The following CLSTN2 variants were observed in gnomAD, a reference collection of about 807,000 sequenced individuals.
CLSTN2 encodes the protein calsyntenin-2.
A neutral mutation model predicts 101.2 loss-of-function variants in CLSTN2; 48 were observed. The observed-to-expected ratio is 0.47, with a 90% confidence interval of 0.38 to 0.60. The LOEUF is 0.60. Among genes scored for constraint, CLSTN2 ranks in the 20% least tolerant of loss-of-function variants. The pLI, the probability that CLSTN2 is intolerant of heterozygous loss-of-function variation, is 0.00. For missense variants in CLSTN2, 1,160 were observed against 1,238.2 expected (o/e 0.94, Z 0.95); for synonymous variants, 481 against 463.6 (o/e 1.04, Z -0.48).
chr3:140,424,789 AC>A (rs2088546335), intron 5 of CLSTN2, among the ~76,000 whole-genome samples: 2 of 152,262 alleles, frequency 1.3e-5, no homozygotes, highest in African/African-American at 4.8e-5. Flanking sequence ...CATTCAGGGG[AC>A]CAGTGAACAA....
rs532820923 is a variant in CLSTN2, at chr3:139,956,313, G to A, written c.109+20830G>A. Among the ~76,000 whole-genome samples the A allele has an allele frequency of 2.0e-5, 3 of 152,258 alleles. No individual in the cohort carries two copies. The South Asian group carries it at 6.2e-4, about 32-fold the overall frequency. On this transcript the variant is annotated intron_variant, in intron 1 of 16. Transcript: ENST00000458420. Reference sequence around the variant, plus strand: ...TAACTCTACTTTGTACTCATTGAAGGCGAGACTGTGCCTTCTCTTATATTC... The same window carrying A: ...TAACTCTACTTTGTACTCATTGAAGACGAGACTGTGCCTTCTCTTATATTC...
intron 1 of CLSTN2, among the ~76,000 whole-genome samples, chr3:140,025,647 G>A (rs1408533752): frequency 6.6e-6 from 1 of 152,160 alleles, no homozygotes; most frequent in Non-Finnish European, 1.5e-5. Flanking sequence ...AGGAGAGAGA[G>A]AGATGACAGC....
At chr3:140,533,096 T>C (rs349537) in intron 9 of CLSTN2, among the ~76,000 whole-genome samples, 37,757 of 152,082 alleles carry the variant, frequency 0.25, 6,468 homozygotes, top group African/African-American at 0.48. Context: ...TCCTCTCTTC[T>C]TGTGCTGTTG....
chr3:139,935,700 G>T lies in CLSTN2; in HGVS notation c.109+217G>T, dbSNP rs1296899482. ...TCAACTCAACCCCTGGGCGGGGTCCGGGGGCTGAGCAGAAGGCGAGGTCTG... is the reference window on the plus strand; with the variant it reads ...TCAACTCAACCCCTGGGCGGGGTCCTGGGGCTGAGCAGAAGGCGAGGTCTG... On this transcript the variant is annotated intron_variant, in intron 1 of 16. Transcript: ENST00000458420. This position sits in a 1 kb window ranked among gnomAD's most constrained non-coding sequence, Gnocchi z 5.5. 6.6e-6 allele frequency among the ~76,000 whole-genome samples: 1 copy of T among 152,158 alleles called. No homozygotes were observed. The highest frequency in any genetic ancestry group is 1.5e-5 in the Non-Finnish European group (1 of 68,038).
At chr3:140,488,120 G>GA (rs148288782) in intron 8 of CLSTN2, among the ~76,000 whole-genome samples, 2 of 151,910 alleles carry the variant, frequency 1.3e-5, no homozygotes, top group East Asian at 1.9e-4. Flanking sequence ...CAGAGAAGAA[G>GA]AAAAAAAAGC....
At chr3:139,996,451 G>C (rs144571735) in intron 1 of CLSTN2, among the ~76,000 whole-genome samples, 1 of 152,030 alleles carries the variant, frequency 6.6e-6, no homozygotes, top group Non-Finnish European at 1.5e-5. Context: ...GTACAGTGGC[G>C]CGATCTCGGC....
chr3:140,421,237 G>A lies in CLSTN2; in HGVS notation c.750G>A (p.Gln250=). The A allele has an allele frequency of 6.2e-7, 1 of 1,614,190 alleles. No individual in the cohort carries two copies. The highest frequency in any genetic ancestry group is 8.5e-7 in the Non-Finnish European group (1 of 1,180,008). ...QKPAAQDTLV[Q]VDVKPVCKPG... ...CCGCTGCTCAGGACACCCTGGTGCA[G>A]GTGGATGTGAAGCCAGTTTGCAAGC... The change falls in exon 5 of 17, where the codon CAG becomes CAA. Residue 250 remains glutamine (Q), a synonymous_variant. Transcript: ENST00000458420.
chr3:139,947,847 C>CG (rs1935237054), intron 1 of CLSTN2, among the ~76,000 whole-genome samples: 1 of 88,668 alleles, frequency 1.1e-5, no homozygotes, highest in Non-Finnish European at 3.1e-5. Context: ...ATTGCACTTG[C>CG]ATTTTTTTTT....
chr3:140,303,384 A>C (rs2087078790), intron 2 of CLSTN2, among the ~76,000 whole-genome samples: 1 of 152,160 alleles, frequency 6.6e-6, no homozygotes, highest in African/African-American at 2.4e-5. Context: ...TTGAATCCAA[A>C]GGAAAGGTCA....
intron 2 of CLSTN2, among the ~76,000 whole-genome samples, chr3:140,326,937 T>C (rs1421120193): frequency 2.0e-5 from 3 of 152,188 alleles, no homozygotes; most frequent in Non-Finnish European, 4.4e-5. Context: ...TATCCATCAT[T>C]GCTAAGATTA....
chr3:140,238,469 A>G (rs2086434538), intron 2 of CLSTN2, among the ~76,000 whole-genome samples: 1 of 152,190 alleles, frequency 6.6e-6, no homozygotes, highest in African/African-American at 2.4e-5. Flanking sequence ...ATTTATTTTA[A>G]TTCTACTAGG....
At chr3:140,539,328 A>G (rs1257821848) in intron 9 of CLSTN2, among the ~76,000 whole-genome samples, 1 of 152,222 alleles carries the variant, frequency 6.6e-6, no homozygotes, top group Non-Finnish European at 1.5e-5. Context: ...TCTATATTAA[A>G]AATCAAGAAA....
In CLSTN2 at chr3:140,497,456, C is replaced by T. The variant is rs185842737; in HGVS notation, c.1344+30725C>T. ...GGGGATTGCTTCTTGACCGAACCACCTGGACTCCCCGAAGCCAGCAGGCTA... is the reference window on the plus strand; with the variant it reads ...GGGGATTGCTTCTTGACCGAACCACTTGGACTCCCCGAAGCCAGCAGGCTA... On this transcript the variant is annotated intron_variant, in intron 8 of 16. Transcript: ENST00000458420. Among the ~76,000 whole-genome samples, 55 of 152,168 alleles carry T rather than the reference C, an allele frequency of 3.6e-4. 1 individual carries two copies. Among genetic ancestry groups the T allele is most frequent in the African/African-American group, 1.1e-3 (47 of 41,522 alleles).
chr3:139,936,258 C>T (rs916910639), intron 1 of CLSTN2, among the ~76,000 whole-genome samples: 2 of 152,186 alleles, frequency 1.3e-5, no homozygotes, highest in African/African-American at 4.8e-5. Context: ...ACTTTGACAG[C>T]TGCCTGGGAG....
chr3:140,340,695 T>C (rs188441684), intron 2 of CLSTN2, among the ~76,000 whole-genome samples: 3 of 152,354 alleles, frequency 2.0e-5, no homozygotes, highest in Non-Finnish European at 4.4e-5. Flanking sequence ...ACGTTATTGA[T>C]AGCTGTAGTC....
chr3:140,436,728 T>G (rs1376740978), intron 5 of CLSTN2, among the ~76,000 whole-genome samples: 1 of 152,228 alleles, frequency 6.6e-6, no homozygotes, highest in African/African-American at 2.4e-5. Context: ...AGAACCTGTC[T>G]GGGGCCTCTA....
chr3:140,061,706 CAG>C (rs2008207819), intron 1 of CLSTN2, among the ~76,000 whole-genome samples: 1 of 152,220 alleles, frequency 6.6e-6, no homozygotes, highest in Non-Finnish European at 1.5e-5. Context: ...GCAGTTTACC[CAG>C]GGCAGGACAC....
In CLSTN2 at chr3:140,320,972, C is replaced by A. The variant is rs571399182; in HGVS notation, c.233-82657C>A. Reference sequence around the variant, plus strand: ...AGACCTGGAGTAACTTCACTGGGTGCCAGAAGTAACCCTCCACCCAGTGGT... The same window carrying A: ...AGACCTGGAGTAACTTCACTGGGTGACAGAAGTAACCCTCCACCCAGTGGT... On this transcript the variant is annotated intron_variant, in intron 2 of 16. Coordinates refer to ENST00000458420, the MANE Select transcript of CLSTN2 (RefSeq NM_022131.3). 2.7e-4 allele frequency among the ~76,000 whole-genome samples: 41 copies of A among 152,228 alleles called. No homozygotes were observed. In the South Asian group the frequency reaches 5.6e-3, roughly 21 times the overall value.
chr3:140,146,075 C>T (rs1280990399), intron 1 of CLSTN2, among the ~76,000 whole-genome samples: 2 of 152,206 alleles, frequency 1.3e-5, no homozygotes, highest in Non-Finnish European at 2.9e-5. Context: ...ATCCTGAGCC[C>T]ACCTGTCACC....
Sources: allele counts gnomAD v4.1 joint callset (sites outside exome capture counted in the v4.1 genomes callset), GRCh38; gene constraint gnomAD v4.1.1; non-coding constraint Gnocchi (gnomAD v3.1); transcripts MANE v1.5; gene names NCBI Gene and HGNC (gene_info 2026-07-23, HGNC 2026-07-21).